The following PCF11 variants were observed in gnomAD, a reference collection of about 807,000 sequenced individuals.
The protein encoded by PCF11 is pre-mRNA cleavage complex 2 protein Pcf11.
PCF11 carries 19 observed loss-of-function variants against 166.1 expected under a neutral mutation model. The ratio of observed to expected loss-of-function variants is 0.11; its 90% confidence interval spans 0.08 to 0.17. PCF11 has a LOEUF of 0.17. PCF11 is among the 10% of genes least tolerant of loss of function. PCF11 has a pLI of 1.00. For synonymous variants in PCF11, 663 were observed against 644.1 expected (o/e 1.03, Z -0.44); for missense variants, 1,565 against 1,855.5 (o/e 0.84, Z 2.88).
chr11:83,174,227 C>G (rs990965866), intron 9 of PCF11, among the ~76,000 whole-genome samples: 6 of 152,088 alleles, frequency 3.9e-5, no homozygotes, highest in Non-Finnish European at 7.4e-5. Context: ...TCTCAAGGTT[C>G]CTTCTCTAAT....
intron 9 of PCF11, 79 bp downstream of exon 9, chr11:83,171,993 G>T (rs993408231): frequency 2.7e-6 from 2 of 750,858 alleles, no homozygotes; most frequent in Admixed American, 4.6e-5. Flanking sequence ...TGAATTTTAG[G>T]AAATGACAGT....
At chr11:83,159,997 C>T (rs1006587294) in intron 1 of PCF11, among the ~76,000 whole-genome samples, 1 of 152,136 alleles carries the variant, frequency 6.6e-6, no homozygotes, top group African/African-American at 2.4e-5. Context: ...AAGGTAAAGA[C>T]ACAGCAGTAA....
At chr11:83,171,243 A>T (rs773015850) in intron 8 of PCF11, 4 of 439,084 alleles carry the variant, frequency 9.1e-6, no homozygotes, top group Non-Finnish European at 9.0e-6. Context: ...TTACTTTGTA[A>T]TGTGGCTATA....
intron 11 of PCF11, among the ~76,000 whole-genome samples, chr11:83,179,810 G>A (rs867952721): frequency 6.6e-6 from 1 of 151,772 alleles, no homozygotes; most frequent in Non-Finnish European, 1.5e-5. Flanking sequence ...CCAGCTACTC[G>A]GGAGGCTGAG....
intron 4 of PCF11, 51 bp downstream of exon 4, chr11:83,164,452 G>A (rs980693398): frequency 2.3e-6 from 3 of 1,289,274 alleles, no homozygotes; most frequent in Non-Finnish European, 3.2e-6. Flanking sequence ...TCTAACAATA[G>A]GGAAGTAATG....
exon 8 of PCF11, chr11:83,168,867 T>A (rs780204506): frequency 6.2e-7 from 1 of 1,611,982 alleles, no homozygotes; most frequent in East Asian, 2.2e-5. Flanking sequence ...CAGGAGGAGG[T>A]GGTTTTCGGT....
intron 4 of PCF11, among the ~76,000 whole-genome samples, chr11:83,164,736 G>A (rs1210974311): frequency 6.6e-6 from 1 of 151,944 alleles, no homozygotes; most frequent in African/African-American, 2.4e-5. Flanking sequence ...AATTAGCCAG[G>A]TGGGGTAGTG....
exon 16 of PCF11, chr11:83,185,171 CTG>C (rs1436510117): frequency 2.3e-5 from 6 of 258,354 alleles, no homozygotes. Context: ...CACTGTGCAA[CTG>C]TAAATTATAA....
exon 16 of PCF11, chr11:83,186,222 AAG>A (rs1861286371): frequency 6.6e-6 from 1 of 152,248 alleles, no homozygotes. Context: ...GTGGCTAAGG[AAG>A]ATTCTACAAA....
chr11:83,169,016 C>G, exon 8 of PCF11: 1 of 1,613,730 alleles, frequency 6.2e-7, no homozygotes, highest in Non-Finnish European at 8.5e-7. Context: ...TTTGAGGGAC[C>G]TCATGGTCAG....
At chr11:83,166,172 T>A (rs564741492) in exon 5 of PCF11, 10 of 1,604,414 alleles carry the variant, frequency 6.2e-6, no homozygotes, top group Non-Finnish European at 8.5e-6. Flanking sequence ...AGAGAAAAAC[T>A]GCAGAAAAAA....
At chr11:83,177,870 C>G in intron 11 of PCF11, 51 bp downstream of exon 11, 1 of 757,484 alleles carries the variant, frequency 1.3e-6, no homozygotes, top group Non-Finnish European at 2.2e-6. Context: ...TTTAATAACA[C>G]TGTTATAGTG....
exon 16 of PCF11, chr11:83,187,414 C>T (rs1469435508): frequency 6.6e-6 from 1 of 152,220 alleles, no homozygotes; most frequent in Non-Finnish European, 1.5e-5. Context: ...CTCAGAAATA[C>T]TCTAACTGTT....
intron 2 of PCF11, among the ~76,000 whole-genome samples, chr11:83,162,740 A>G (rs560574085): frequency 6.6e-6 from 1 of 152,144 alleles, no homozygotes; most frequent in Non-Finnish European, 1.5e-5. Flanking sequence ...AGTTTTCCCA[A>G]GTCCTAGGTT....
chr11:83,171,520 CTTACAGT>C (rs1175379766), intron 8 of PCF11, among the ~76,000 whole-genome samples: 1 of 152,188 alleles, frequency 6.6e-6, no homozygotes, highest in Non-Finnish European at 1.5e-5. Flanking sequence ...TGCATGGTAT[CTTACAGT>C]TTCCTTTTTG....
Position 83,167,105 on chromosome 11 carries a change from T to TA in PCF11, c.1818-19dup, listed in dbSNP as rs1860492367. On this transcript the variant is annotated intron_variant, in intron 5 of 15. Transcript: ENST00000298281. This position sits in a 1 kb window ranked among gnomAD's most constrained non-coding sequence, Gnocchi z 4.2. ...TTTAAAAAAACATTTCAATGTAACA[T>TA]ACTGCTTTTATGGTTTCAGCTTACA... The TA allele has an allele frequency of 1.3e-6, 2 of 1,581,644 alleles. No individual in the cohort carries two copies. The highest frequency in any genetic ancestry group is 2.3e-5 in the South Asian group (2 of 86,740).
intron 12 of PCF11, 46 bp from the exon 13 acceptor site, chr11:83,181,808 T>C (rs1229362792): frequency 1.1e-5 from 15 of 1,426,774 alleles, no homozygotes; most frequent in Non-Finnish European, 1.3e-5. Context: ...ACAGTAAAAA[T>C]TTAGAAATAA....
exon 16 of PCF11, chr11:83,185,588 A>C (rs1861259178): frequency 6.6e-6 from 1 of 151,778 alleles, no homozygotes; most frequent in Admixed American, 6.6e-5. Flanking sequence ...AATATATTTA[A>C]GTACTAAAGG....
At chr11:83,158,560 G>A (rs945065768) in intron 1 of PCF11, 3 of 152,106 alleles carry the variant, frequency 2.0e-5, no homozygotes, top group Non-Finnish European at 4.4e-5. Context: ...GATTCATATG[G>A]GAGCGATATG....
Sources: allele counts gnomAD v4.1 joint callset (sites outside exome capture counted in the v4.1 genomes callset), GRCh38; gene constraint gnomAD v4.1.1; non-coding constraint Gnocchi (gnomAD v3.1); transcripts MANE v1.5; gene names NCBI Gene and HGNC (gene_info 2026-07-23, HGNC 2026-07-21).